Variants in CAND2 observed in about 807,000 individuals in gnomAD.
CAND2 encodes the protein cullin associated and neddylation dissociated 2 (putative), also known as cullin-associated NEDD8-dissociated protein 2.
In CAND2, 62 loss-of-function variants were observed where a neutral mutation model predicts 98.9. The observed-to-expected ratio is 0.63, with a 90% CI of 0.51 to 0.77. The LOEUF (loss-of-function observed/expected upper bound fraction) is 0.77, where lower values mean the gene tolerates loss of function less well. CAND2 is among the 30% of genes least tolerant of loss of function. CAND2 has a pLI of 0.00. For missense variants in CAND2, 1,501 were observed against 1,655.2 expected (o/e 0.91, Z 1.62); for synonymous variants, 770 against 731.9 (o/e 1.05, Z -0.84).
At chr3:12,813,619 CAG>C (rs2061872905) in intron 7 of CAND2, among the ~76,000 whole-genome samples, 1 of 152,210 alleles carries the variant, frequency 6.6e-6, no homozygotes, top group East Asian at 1.9e-4. Flanking sequence ...CCTAAAAAAA[CAG>C]AAATTATTAC....
At chr3:12,807,521 A>C in intron 3 of CAND2, 61 bp downstream of exon 3, 1 of 1,423,150 alleles carries the variant, frequency 7.0e-7, no homozygotes. Flanking sequence ...GTAAAAAAAC[A>C]AACGAAAAAA....
chr3:12,817,853 G>A lies in CAND2; in HGVS notation c.2921G>A (p.Arg974His), dbSNP rs748841467. 26 of 1,504,262 alleles carry A rather than the reference G, an allele frequency of 1.7e-5. No individual in the cohort carries two copies. The highest frequency in any genetic ancestry group is 9.3e-5 in the East Asian group (4 of 43,240). 93.2% of individuals were successfully genotyped at this position (1,504,262 alleles called of 1,614,324 possible). Residue 974 changes from arginine to histidine, a missense_variant, in exon 10 of 15, where the codon CGC becomes CAC. Coordinates refer to ENST00000456430, the MANE Select transcript of CAND2 (RefSeq NM_001162499.2). ...GTGAACCCTTCGTTCCTTCTGCCCC[G>A]CTTGCGGAAGCAGCTTGCTGCAGGT... Reference protein sequence around the residue: ...VLVNPSFLLPRLRKQLAAGRP... With the variant: ...VLVNPSFLLPHLRKQLAAGRP...
At chr3:12,813,966 G>A (rs2061875732) in intron 7 of CAND2, among the ~76,000 whole-genome samples, 1 of 152,218 alleles carries the variant, frequency 6.6e-6, no homozygotes, top group South Asian at 2.1e-4. Context: ...GCAGGGCATC[G>A]ATGGAGACGA....
chr3:12,814,372 G>C (rs1299350051), intron 7 of CAND2, among the ~76,000 whole-genome samples: 4 of 152,188 alleles, frequency 2.6e-5, no homozygotes, highest in African/African-American at 9.7e-5. Flanking sequence ...CAGCTCTGCT[G>C]TTCCTCGCTG....
At chr3:12,829,783 G>A (rs902495964) in intron 13 of CAND2, among the ~76,000 whole-genome samples, 7 of 152,138 alleles carry the variant, frequency 4.6e-5, no homozygotes, top group Non-Finnish European at 8.8e-5. Context: ...CTAGAAATGG[G>A]ATCACACACA....
intron 5 of CAND2, among the ~76,000 whole-genome samples, chr3:12,811,191 C>T (rs1460073540): frequency 6.6e-6 from 1 of 152,212 alleles, no homozygotes; most frequent in Non-Finnish European, 1.5e-5. Flanking sequence ...AGCCAGCCCT[C>T]AGCCATCCTT....
At chr3:12,807,583 C>T in intron 3 of CAND2, 123 bp downstream of exon 3, 1 of 965,898 alleles carries the variant, frequency 1.0e-6, no homozygotes, top group Non-Finnish European at 1.5e-6. Flanking sequence ...CCTGAGGTCA[C>T]TCAGCTAGTA....
Position 12,834,029 on chromosome 3 carries a change from C to G in CAND2, c.*47C>G. Reference sequence around the variant, plus strand: ...CCCTCGCTTAAGAGAAAGGAGCCCACCCAAGTCCGAGGCCTCCCCATCCCA... The same window carrying G: ...CCCTCGCTTAAGAGAAAGGAGCCCAGCCAAGTCCGAGGCCTCCCCATCCCA... On this transcript the variant is annotated 3_prime_UTR_variant, in exon 15 of 15. Transcript: ENST00000456430. The G allele has an allele frequency of 6.5e-7, 1 of 1,528,194 alleles. No homozygotes were observed. The highest frequency in any genetic ancestry group is 9.0e-7 in the Non-Finnish European group (1 of 1,105,020). 94.7% of individuals were successfully genotyped at this position (1,528,194 alleles called of 1,614,324 possible). A position where few individuals can be genotyped will look rare whatever the true frequency, so the allele number is the denominator to read the frequency against.
intron 1 of CAND2, among the ~76,000 whole-genome samples, chr3:12,803,005 T>TC (rs1410513046): frequency 8.1e-4 from 123 of 151,422 alleles, no homozygotes; most frequent in Non-Finnish European, 1.5e-3. Flanking sequence ...TTTTTTTTTT[T>TC]TGGAGACGGA....
Position 12,817,647 on chromosome 3 carries a change from G to A in CAND2, c.2715G>A (p.Glu905=). 1.2e-6 allele frequency: 2 copies of A among 1,613,070 alleles called. No homozygotes were observed. Among genetic ancestry groups the A allele is most frequent in the South Asian group, 2.2e-5 (2 of 90,958 alleles). The change falls in exon 10 of 15, where the codon GAG becomes GAA. Residue 905 remains glutamate (E), a synonymous_variant. Coordinates refer to ENST00000456430, the MANE Select transcript of CAND2 (RefSeq NM_001162499.2). Reference sequence around the variant, plus strand: ...TGCCCTTCCTGCTGGAGCAGATCGAGGCTGAGCCCCGACGACAGTACCTGC... The same window carrying A: ...TGCCCTTCCTGCTGGAGCAGATCGAAGCTGAGCCCCGACGACAGTACCTGC... ...DFLPFLLEQI[E]AEPRRQYLLL... is the part of the protein sequence containing the mutation.
In CAND2 at chr3:12,814,797, A is replaced by T. The variant is rs1264389557; in HGVS notation, c.1007-344A>T. ...AATTAAGGGTCTGGAGGCAGAGGGG[A>T]GGACCCTAGTTTAACTCCAAGTATT... On this transcript the variant is annotated intron_variant, in intron 7 of 14. Transcript: ENST00000456430. Among the ~76,000 whole-genome samples, 4 of 152,248 alleles carry T rather than the reference A, an allele frequency of 2.6e-5. No individual in the cohort carries two copies. The East Asian group carries it at 7.7e-4, about 29-fold the overall frequency.
intron 13 of CAND2, among the ~76,000 whole-genome samples, chr3:12,829,805 T>C (rs368552565): frequency 1.6e-4 from 25 of 152,364 alleles, no homozygotes; most frequent in African/African-American, 3.6e-4. Flanking sequence ...GCTGTTTTTT[T>C]CCCCAGCCTT....
At position 12,817,536 on chromosome 3, in the gene CAND2, A is replaced by G. The variant is rs761848189; in HGVS notation, c.2604A>G (p.Glu868=). Residue 868 remains glutamate, a synonymous_variant, in exon 10 of 15, where the codon GAA becomes GAG. Transcript: ENST00000456430. Reference sequence around the variant, plus strand: ...GGGAGCTGAAGGCGGTGCTCCTGGAAGCTTTGGGGTCACCCAGTGAGGATG... The same window carrying G: ...GGGAGCTGAAGGCGGTGCTCCTGGAGGCTTTGGGGTCACCCAGTGAGGATG... ...HQRELKAVLL[E]ALGSPSEDVR... 6.2e-7 allele frequency: 1 copy of G among 1,613,880 alleles called. No homozygotes were observed. Among genetic ancestry groups the G allele is most frequent in the South Asian group, 1.1e-5 (1 of 91,082 alleles).
chr3:12,805,223 G>T (rs527864966), intron 2 of CAND2, among the ~76,000 whole-genome samples: 1 of 151,874 alleles, frequency 6.6e-6, no homozygotes, highest in African/African-American at 2.4e-5. Flanking sequence ...GACAGGGGGT[G>T]TTGGGGACTC....
intron 11 of CAND2, among the ~76,000 whole-genome samples, chr3:12,821,090 C>A (rs557925643): frequency 6.6e-6 from 1 of 152,036 alleles, no homozygotes; most frequent in African/African-American, 2.4e-5. Context: ...AAAAATGAGC[C>A]GGGTATGATG....
intron 13 of CAND2, 105 bp downstream of exon 13, chr3:12,827,709 A>G: frequency 9.3e-7 from 1 of 1,074,932 alleles, no homozygotes; most frequent in Non-Finnish European, 1.3e-6. Context: ...CCAGGCACCC[A>G]ATGAAAATAG....
Position 12,834,011 on chromosome 3 carries a change from T to C in CAND2, c.*29T>C, listed in dbSNP as rs1304008028. ...CCTCAGCACCAAGGTGGGCCCTCGC[T>C]TAAGAGAAAGGAGCCCACCCAAGTC... On this transcript the variant is annotated 3_prime_UTR_variant, in exon 15 of 15. Coordinates refer to ENST00000456430, the MANE Select transcript of CAND2 (RefSeq NM_001162499.2). 6.3e-7 allele frequency: 1 copy of C among 1,595,506 alleles called. No homozygotes were observed. The highest frequency in any genetic ancestry group is 1.7e-4 in the Middle Eastern group (1 of 6,040).
intron 2 of CAND2, 129 bp downstream of exon 2, chr3:12,803,760 CT>C: frequency 1.3e-6 from 1 of 752,098 alleles, no homozygotes; most frequent in Non-Finnish European, 2.0e-6. Context: ...TGAATGGTAC[CT>C]TAGTCTGAGT....
chr3:12,817,559 ATG>A lies in CAND2; in HGVS notation c.2630_2631del (p.Val877GlufsTer30). On this transcript the variant is annotated frameshift_variant, in exon 10 of 15. Coordinates refer to ENST00000456430, the MANE Select transcript of CAND2 (RefSeq NM_001162499.2). LOFTEE classifies it high-confidence loss of function. ...GAAGCTTTGGGGTCACCCAGTGAGGATGTGAGGGCTGCAGCCTCGTATGCACT... is the reference window on the plus strand; with the variant it reads ...GAAGCTTTGGGGTCACCCAGTGAGGATGAGGGCTGCAGCCTCGTATGCACT... The A allele has an allele frequency of 6.2e-7, 1 of 1,613,870 alleles. No individual in the cohort carries two copies. Among genetic ancestry groups the A allele is most frequent in the Non-Finnish European group, 8.5e-7 (1 of 1,179,994 alleles).
Sources: gnomAD v4.1 joint callset for allele counts (sites outside exome capture counted in the v4.1 genomes callset) on GRCh38, gnomAD v4.1.1 for gene constraint, MANE v1.5 for transcripts, NCBI Gene and HGNC (gene_info 2026-07-23, HGNC 2026-07-21) for gene names.